The following RUNX1 variants were observed in gnomAD, a reference collection of about 807,000 sequenced individuals.
RUNX1 encodes the protein RUNX family transcription factor 1, also known as runt-related transcription factor 1.
Under a neutral mutation model 42.8 loss-of-function variants are expected in RUNX1, and 19 were observed. That is an observed-to-expected ratio of 0.44 (90% CI 0.31 to 0.65). The LOEUF (loss-of-function observed/expected upper bound fraction) is 0.65, where lower values mean the gene tolerates loss of function less well. Ranked by LOEUF, RUNX1 falls within the 30% of genes least tolerant of loss-of-function variation. The probability of loss-of-function intolerance (pLI) is 0.07; values close to 1 mark genes in which losing one functional copy is unlikely to be tolerated. For synonymous variants in RUNX1, 271 were observed against 289.4 expected, an observed-to-expected ratio of 0.94 and a Z score of 0.64; for missense variants, 528 against 672.0, an observed-to-expected ratio of 0.79 and a Z score of 2.37.
intron 3 of RUNX1, among the ~76,000 whole-genome samples, chr21:34,891,305 A>C (rs1386220670): frequency 6.6e-6 from 1 of 152,228 alleles, no homozygotes; most frequent in South Asian, 2.1e-4. Flanking sequence ...GCTGATAGCA[A>C]TCACAGCTTT....
At chr21:34,862,253 C>T (rs141840793) in intron 5 of RUNX1, among the ~76,000 whole-genome samples, 1 of 152,132 alleles carries the variant, frequency 6.6e-6, no homozygotes, top group South Asian at 2.1e-4. Context: ...GGGATGCATG[C>T]AATGTCCCTT....
At chr21:35,020,978 C>T (rs2059194228) in intron 2 of RUNX1, among the ~76,000 whole-genome samples, 1 of 152,204 alleles carries the variant, frequency 6.6e-6, no homozygotes, top group South Asian at 2.1e-4. Context: ...TACCTTCAGG[C>T]TGGCTGGCTG....
intron 2 of RUNX1, among the ~76,000 whole-genome samples, chr21:35,001,152 T>G (rs2059039140): frequency 1.3e-5 from 2 of 152,062 alleles, no homozygotes. Flanking sequence ...TCTCTATAAT[T>G]TTTTTTACTT....
chr21:34,889,884 G>A, intron 3 of RUNX1: 1 of 1,065,852 alleles, frequency 9.4e-7, no homozygotes, highest in East Asian at 4.9e-5. Context: ...ACCTCCCGGG[G>A]CCTCTCATCC....
At chr21:35,031,713 T>C (rs1336224059) in intron 2 of RUNX1, among the ~76,000 whole-genome samples, 1 of 152,026 alleles carries the variant, frequency 6.6e-6, no homozygotes, top group Admixed American at 6.5e-5. Flanking sequence ...ACCCTGTCAT[T>C]TGCAGCAACA....
chr21:34,987,123 GGC>G (rs2058893641), intron 2 of RUNX1, among the ~76,000 whole-genome samples: 1 of 152,212 alleles, frequency 6.6e-6, no homozygotes, highest in African/African-American at 2.4e-5. Context: ...TTCAATCAAT[GGC>G]TGAAAGAGGA....
At chr21:34,984,066 G>C (rs938877406) in intron 2 of RUNX1, among the ~76,000 whole-genome samples, 10 of 152,222 alleles carry the variant, frequency 6.6e-5, no homozygotes, top group African/African-American at 2.4e-4. Flanking sequence ...AATGGGCTGA[G>C]CTGGAGGGTT....
Position 34,792,119 on chromosome 21 carries a change from G to A in RUNX1, c.*16C>T, listed in dbSNP as rs762664374. The A allele has an allele frequency of 5.7e-6, 8 of 1,399,656 alleles. No individual in the cohort carries two copies. In the East Asian group the frequency reaches 1.7e-4, roughly 30 times the overall value. 86.7% of individuals were successfully genotyped at this position (1,399,656 alleles called of 1,614,324 possible). A position where few individuals can be genotyped will look rare whatever the true frequency, so the allele number is the denominator to read the frequency against. On this transcript the variant is annotated 3_prime_UTR_variant, in exon 9 of 9. Transcript: ENST00000675419. This position sits in a 1 kb window ranked among gnomAD's most constrained non-coding sequence, Gnocchi z 6.9. Reference sequence around the variant, plus strand: ...GGCGGCGGCCCGCGGGGCCCAGCCGGGCCAGGCCTGGCGCCTCAGTAGGGC... The same window carrying A: ...GGCGGCGGCCCGCGGGGCCCAGCCGAGCCAGGCCTGGCGCCTCAGTAGGGC...
intron 2 of RUNX1, among the ~76,000 whole-genome samples, chr21:34,988,707 C>G (rs1451389472): frequency 6.6e-6 from 1 of 152,192 alleles, no homozygotes; most frequent in Admixed American, 6.5e-5. Flanking sequence ...GACATCCGGA[C>G]AGTGTGTGCA....
chr21:34,859,283 G>A, intron 6 of RUNX1, 191 bp downstream of exon 6: 2 of 618,954 alleles, frequency 3.2e-6, no homozygotes, highest in South Asian at 3.9e-5. Flanking sequence ...GCTTCAAAAA[G>A]AGCTCAGTGC....
rs2059083252 is a variant in RUNX1 at position 35,006,209 on chromosome 21, T to TACAGTG, written c.58+42627_58+42632dup. The stretch of plus-strand genomic sequence containing the variant: ...TATGCATTGTCTTTGAGAGAAAGGC[T>TACAGTG]ACAGTGAAGGAGATGGAGGCACCCA... On this transcript the variant is annotated intron_variant, in intron 2 of 8. Transcript: ENST00000675419. Among the ~76,000 whole-genome samples, 3 of 152,166 alleles carry TACAGTG rather than the reference T, an allele frequency of 2.0e-5. No homozygotes were observed. In the South Asian group the frequency reaches 6.2e-4, roughly 31 times the overall value.
intron 7 of RUNX1, among the ~76,000 whole-genome samples, chr21:34,831,200 T>A (rs1334167107): frequency 6.6e-6 from 1 of 152,196 alleles, no homozygotes; most frequent in Non-Finnish European, 1.5e-5. Flanking sequence ...AAGGGTCTAC[T>A]CATGACAAAA....
At chr21:34,957,645 T>C (rs2146691918) in intron 2 of RUNX1, among the ~76,000 whole-genome samples, 1 of 152,346 alleles carries the variant, frequency 6.6e-6, no homozygotes, top group Middle Eastern at 3.4e-3. Context: ...GCCGTTCAGA[T>C]ATTCGTACAT....
intron 6 of RUNX1, among the ~76,000 whole-genome samples, chr21:34,848,473 C>T (rs1437711811): frequency 6.6e-6 from 1 of 152,192 alleles, no homozygotes; most frequent in Non-Finnish European, 1.5e-5. Flanking sequence ...CTCACTCTGT[C>T]ACCCAGGCTG....
chr21:34,794,094 T>C (rs912400518), intron 8 of RUNX1, among the ~76,000 whole-genome samples: 2 of 152,156 alleles, frequency 1.3e-5, no homozygotes, highest in African/African-American at 4.8e-5. Flanking sequence ...TATAAATTAA[T>C]CTGTGATATT....
At chr21:35,037,732 A>G (rs894051352) in intron 2 of RUNX1, among the ~76,000 whole-genome samples, 1 of 152,224 alleles carries the variant, frequency 6.6e-6, no homozygotes, top group Non-Finnish European at 1.5e-5. Flanking sequence ...ACCTACTCAC[A>G]GGGTTGTGCC....
intron 6 of RUNX1, among the ~76,000 whole-genome samples, chr21:34,848,271 G>A (rs2057345405): frequency 1.3e-5 from 2 of 152,218 alleles, no homozygotes; most frequent in Admixed American, 1.3e-4. Context: ...TTCGCCATCA[G>A]CCACTGCTCC....
At chr21:34,967,124 G>C (rs1308575673) in intron 2 of RUNX1, among the ~76,000 whole-genome samples, 1 of 151,382 alleles carries the variant, frequency 6.6e-6, no homozygotes, top group Non-Finnish European at 1.5e-5. Context: ...ATCGAGACCA[G>C]CCTGGCCAAC....
At chr21:34,948,501 G>A (rs1251686681) in intron 2 of RUNX1, among the ~76,000 whole-genome samples, 1 of 152,148 alleles carries the variant, frequency 6.6e-6, no homozygotes, top group Non-Finnish European at 1.5e-5. Context: ...ATTACTCAAG[G>A]TTCAGGCTCT....
Sources: allele counts gnomAD v4.1 joint callset (sites outside exome capture counted in the v4.1 genomes callset), GRCh38; gene constraint gnomAD v4.1.1; non-coding constraint Gnocchi (gnomAD v3.1); transcripts MANE v1.5; gene names NCBI Gene and HGNC (gene_info 2026-07-23, HGNC 2026-07-21).